Variants in IKZF3 observed in about 807,000 individuals in gnomAD.
IKZF3 encodes zinc finger protein Aiolos.
IKZF3 carries 10 observed loss-of-function variants against 49.0 expected under a neutral mutation model. The ratio of observed to expected loss-of-function variants is 0.20; its 90% confidence interval spans 0.13 to 0.35. IKZF3 has a LOEUF of 0.35. Ranked by LOEUF, IKZF3 falls within the 10% of genes least tolerant of loss-of-function variation. The pLI is 1.00. For missense variants in IKZF3, 498 were observed against 664.8 expected, an observed-to-expected ratio of 0.75 and a Z score of 2.76; for synonymous variants, 209 against 228.2, an observed-to-expected ratio of 0.92 and a Z score of 0.76.
At chr17:39,843,295 C>T (rs1421041407) in intron 1 of IKZF3, among the ~76,000 whole-genome samples, 2 of 152,102 alleles carry the variant, frequency 1.3e-5, no homozygotes, top group Non-Finnish European at 2.9e-5. Flanking sequence ...GATAGAGCAC[C>T]GTGTCAGCAA....
In IKZF3 at chr17:39,758,736, A is replaced by G. The variant is rs1156753819; in HGVS notation, c.*7054T>C. 6.6e-6 allele frequency: 1 copy of G among 151,532 alleles called. No individual in the cohort carries two copies. Among genetic ancestry groups the G allele is most frequent in the Non-Finnish European group, 1.5e-5 (1 of 67,938 alleles). 9.4% of individuals were successfully genotyped at this position (151,532 alleles called of 1,614,324 possible). A position where few individuals can be genotyped will look rare whatever the true frequency, so the allele number is the denominator to read the frequency against. ...AGTGTCTATAGCACGTGGTTAGCTCACGCTGGTTCCAAGGGTCAGCAGATC... is the reference window on the plus strand; with the variant it reads ...AGTGTCTATAGCACGTGGTTAGCTCGCGCTGGTTCCAAGGGTCAGCAGATC... On this transcript the variant is annotated 3_prime_UTR_variant, in exon 8 of 8. Coordinates refer to ENST00000346872, the MANE Select transcript of IKZF3 (RefSeq NM_012481.5).
At chr17:39,850,369 A>ATATGTATATATAATATATAGCATATTG (rs1568063095) in intron 1 of IKZF3, among the ~76,000 whole-genome samples, 20 of 127,896 alleles carry the variant, frequency 1.6e-4, no homozygotes, top group African/African-American at 2.4e-4. Context: ...AGCATATTAT[A>ATATGTATATATAATATATAGCATATTG]TATGTATATA....
chr17:39,784,317 T>C (rs2060819981), intron 6 of IKZF3, among the ~76,000 whole-genome samples: 1 of 152,208 alleles, frequency 6.6e-6, no homozygotes, highest in Non-Finnish European at 1.5e-5. Context: ...TTTTCATATA[T>C]ACTCCATTAA....
rs146295860 is a variant in IKZF3, at chr17:39,766,052, C to T, written c.1268G>A (p.Arg423His). 25 of 1,614,092 alleles carry T rather than the reference C, an allele frequency of 1.5e-5. No homozygotes were observed. The highest frequency in any genetic ancestry group is 8.9e-5 in the East Asian group (4 of 44,874). ...CGGGGGCTTGAGGAGTTCGTAAGAG[C>T]GGGGAACCTCCTTCAGAAGTGGCAT... Reference protein sequence around the residue: ...NGMPLLKEVPRSYELLKPPPI... With the variant: ...NGMPLLKEVPHSYELLKPPPI... The change falls in exon 8 of 8, where the codon CGC (arginine) becomes CAC (histidine). Residue 423 changes from arginine to histidine, a missense_variant. This residue lies in a region of IKZF3 where 317 missense variants were observed against 397.3 expected (regional missense o/e 0.80). Transcript: ENST00000346872.
intron 3 of IKZF3, among the ~76,000 whole-genome samples, chr17:39,818,789 C>T (rs1017022500): frequency 3.9e-5 from 6 of 152,274 alleles, no homozygotes; most frequent in South Asian, 2.1e-4. Context: ...AATTAGGAGG[C>T]GGAGTTTGCA....
At chr17:39,792,965 C>A (rs758634302) in intron 3 of IKZF3, 32 bp from the exon 4 acceptor site, 6 of 1,604,180 alleles carry the variant, frequency 3.7e-6, no homozygotes, top group Non-Finnish European at 4.3e-6. Flanking sequence ...AAATGAACAA[C>A]GACTATACTT....
intron 1 of IKZF3, among the ~76,000 whole-genome samples, chr17:39,862,169 T>C (rs1016328939): frequency 1.3e-5 from 2 of 152,206 alleles, no homozygotes; most frequent in African/African-American, 4.8e-5. Flanking sequence ...AATCTTCATT[T>C]CTACAAGATT....
intron 3 of IKZF3, among the ~76,000 whole-genome samples, chr17:39,794,847 C>T (rs1405816389): frequency 1.3e-5 from 2 of 152,152 alleles, no homozygotes; most frequent in African/African-American, 4.8e-5. Flanking sequence ...GTACTTGCCT[C>T]CCTTCCTCCA....
Position 39,776,049 on chromosome 17 carries a change from C to T in IKZF3, c.826+1602G>A, listed in dbSNP as rs556418129. 3.9e-5 allele frequency among the ~76,000 whole-genome samples: 6 copies of T among 152,208 alleles called. No homozygotes were observed. In the East Asian group the frequency reaches 1.2e-3, roughly 29 times the overall value. ...CCATTTCTAGAGTCAAAGCTTTCTC[C>T]AGACCAGCCTGGGCAACATGAGGAG... On this transcript the variant is annotated intron_variant, in intron 7 of 7. Coordinates refer to ENST00000346872, the MANE Select transcript of IKZF3 (RefSeq NM_012481.5).
intron 7 of IKZF3, among the ~76,000 whole-genome samples, chr17:39,769,491 C>A (rs980381741): frequency 3.9e-5 from 6 of 152,158 alleles, no homozygotes; most frequent in African/African-American, 1.4e-4. Flanking sequence ...GCAGAGTAGA[C>A]CTTGGCCAAA....
chr17:39,789,571 A>C (rs1193021170), intron 5 of IKZF3, among the ~76,000 whole-genome samples: 2 of 151,690 alleles, frequency 1.3e-5, no homozygotes, highest in Admixed American at 1.3e-4. Context: ...TCAAACAAAC[A>C]AACAAAATTA....
intron 1 of IKZF3, among the ~76,000 whole-genome samples, chr17:39,854,818 G>T (rs1019650613): frequency 6.6e-6 from 1 of 152,086 alleles, no homozygotes; most frequent in Non-Finnish European, 1.5e-5. Context: ...CCTGAACAGG[G>T]AACACTAAGC....
intron 1 of IKZF3, among the ~76,000 whole-genome samples, chr17:39,834,101 A>G (rs2062192628): frequency 1.3e-5 from 2 of 152,266 alleles, no homozygotes; most frequent in East Asian, 3.9e-4. Flanking sequence ...AATGTCCCTC[A>G]ACTGGGATGT....
At position 39,864,229 on chromosome 17, in the gene IKZF3, G is replaced by A; in HGVS notation, c.-103C>T. 1.5e-6 allele frequency: 2 copies of A among 1,368,086 alleles called. No homozygotes were observed. The highest frequency in any genetic ancestry group is 2.0e-6 in the Non-Finnish European group (2 of 999,158). 84.7% of individuals were successfully genotyped at this position (1,368,086 alleles called of 1,614,324 possible). ...GCGCGCAGCTGGCGGGAGATTCCCG[G>A]CGCGGGGAGTCCCCGGGATCCGGCA... On this transcript the variant is annotated 5_prime_UTR_variant, in exon 1 of 8. Coordinates refer to ENST00000346872, the MANE Select transcript of IKZF3 (RefSeq NM_012481.5).
intron 3 of IKZF3, among the ~76,000 whole-genome samples, chr17:39,812,131 AC>A (rs1378506897): frequency 2.0e-5 from 3 of 152,204 alleles, no homozygotes; most frequent in Non-Finnish European, 4.4e-5. Flanking sequence ...ACACAAAACC[AC>A]CTACTATATT....
chr17:39,861,738 G>T (rs1417085110), intron 1 of IKZF3, among the ~76,000 whole-genome samples: 2 of 152,038 alleles, frequency 1.3e-5, no homozygotes, highest in Non-Finnish European at 2.9e-5. Flanking sequence ...GACAAAAATT[G>T]TACAATATCC....
chr17:39,804,081 T>G (rs1183729856), intron 3 of IKZF3, among the ~76,000 whole-genome samples: 1 of 152,162 alleles, frequency 6.6e-6, no homozygotes, highest in African/African-American at 2.4e-5. Context: ...ATTTTCAAGG[T>G]GGGGACCAGG....
intron 3 of IKZF3, among the ~76,000 whole-genome samples, chr17:39,810,326 G>A (rs2061521527): frequency 6.6e-6 from 1 of 152,066 alleles, no homozygotes; most frequent in African/African-American, 2.4e-5. Context: ...TTTTCATCAT[G>A]AGTTTAACTA....
intron 5 of IKZF3, among the ~76,000 whole-genome samples, chr17:39,789,762 G>A (rs947765418): frequency 7.3e-5 from 11 of 150,256 alleles, no homozygotes; most frequent in African/African-American, 2.0e-4. Context: ...TTAGCTGGGC[G>A]TTGTGGTAGG....
Sources: gnomAD v4.1 joint callset for allele counts (sites outside exome capture counted in the v4.1 genomes callset) on GRCh38, gnomAD v4.1.1 for gene constraint, gnomAD v4.1.1 regional missense constraint, MANE v1.5 for transcripts, NCBI Gene and HGNC (gene_info 2026-07-23, HGNC 2026-07-21) for gene names.